The following CRYZ variants were observed in gnomAD, a reference collection of about 807,000 sequenced individuals.
CRYZ encodes zeta-crystallin.
CRYZ carries 35 observed loss-of-function variants against 34.1 expected under a neutral mutation model. The ratio of observed to expected loss-of-function variants is 1.03; its 90% CI spans 0.78 to 1.36. The LOEUF (loss-of-function observed/expected upper bound fraction) is 1.36. CRYZ is among the 40% of genes most tolerant of loss of function. CRYZ has a pLI of 0.00. For synonymous variants in CRYZ, 137 were observed against 136.5 expected (o/e 1.00, Z -0.03); for missense variants, 403 against 391.8 (o/e 1.03, Z -0.24).
At chr1:74,731,486 C>G (rs533043391) in intron 1 of CRYZ, among the ~76,000 whole-genome samples, 3 of 152,212 alleles carry the variant, frequency 2.0e-5, no homozygotes, top group African/African-American at 7.2e-5. Context: ...ATTATTAACC[C>G]AGAAATGTAA....
At position 74,707,017 on chromosome 1, in the gene CRYZ, T is replaced by C. The variant is rs369128161; in HGVS notation, c.733-23A>G. The C allele has an allele frequency of 3.2e-5, 52 of 1,603,956 alleles. No individual in the cohort carries two copies. The Middle Eastern group carries it at 1.3e-3, about 41-fold the overall frequency. On this transcript the variant is annotated intron_variant, in intron 7 of 8. Coordinates refer to ENST00000340866, the MANE Select transcript of CRYZ (RefSeq NM_001889.4). The stretch of plus-strand genomic sequence containing the variant: ...AACCTAACATGAAAAACAGCAATTC[T>C]ACAGTTAAAGATTACTGTAAAATAG...
rs1646929022 is a variant in CRYZ, at chr1:74,706,375, G to C, written c.911C>G (p.Pro304Arg). The change falls in exon 9 of 9, where the codon CCA (proline) becomes CGA (arginine). Residue 304 changes from proline (P) to arginine (R), a missense_variant. Coordinates refer to ENST00000340866, the MANE Select transcript of CRYZ (RefSeq NM_001889.4). ...ATGAGCCTCGGCCACCTTCTCCAAT[G>C]GATATTGAGAACCTATCACAGGTTT... is the stretch of plus-strand genomic sequence containing the variant. ...WLKPVIGSQY[P>R]LEKVAEAHEN... 8.7e-6 allele frequency: 14 copies of C among 1,612,114 alleles called. No homozygotes were observed. Among genetic ancestry groups the C allele is most frequent in the Non-Finnish European group, 1.2e-5 (14 of 1,178,678 alleles).
At chr1:74,721,771 T>G (rs1647167740) in intron 3 of CRYZ, among the ~76,000 whole-genome samples, 1 of 152,196 alleles carries the variant, frequency 6.6e-6, no homozygotes, top group South Asian at 2.1e-4. Flanking sequence ...AAGCTAGTTT[T>G]AGACATGTTT....
chr1:74,710,248 C>T lies in CRYZ; in HGVS notation c.481-1G>A, dbSNP rs766034520. The T allele has an allele frequency of 4.3e-6, 7 of 1,613,282 alleles. No homozygotes were observed. The highest frequency in any genetic ancestry group is 5.9e-6 in the Non-Finnish European group (7 of 1,179,692). On this transcript the variant is annotated splice_acceptor_variant, in intron 5 of 8. Coordinates refer to ENST00000340866, the MANE Select transcript of CRYZ (RefSeq NM_001889.4). LOFTEE classifies it high-confidence loss of function. ...CAATTTGGCATGCTGCTAATCCAAC[C>T]TGAAAAACAAATATAACCCAAGAGT...
chr1:74,714,625 C>G lies in CRYZ; in HGVS notation c.434G>C (p.Cys145Ser), dbSNP rs753213162. The G allele has an allele frequency of 6.2e-7, 1 of 1,613,554 alleles. No individual in the cohort carries two copies. The highest frequency in any genetic ancestry group is 1.3e-5 in the African/African-American group (1 of 74,896). Residue 145 changes from cysteine (C) to serine (S), a missense_variant, in exon 5 of 9, where the codon TGT becomes TCT. By Grantham distance (112) the Cys-to-Ser change is moderately radical. Coordinates refer to ENST00000340866, the MANE Select transcript of CRYZ (RefSeq NM_001889.4). Reference sequence around the variant, plus strand: ...CAGAACACTCTCTCCAGCTTTCACACAGGCACTGCAAAGGAAAGCATAAGT... The same window carrying G: ...CAGAACACTCTCTCCAGCTTTCACAGAGGCACTGCAAAGGAAAGCATAAGT... ...TAYRALIHSA[C>S]VKAGESVLVH...
At position 74,715,908 on chromosome 1, in the gene CRYZ, G is replaced by GTT. The variant is rs554351801; in HGVS notation, c.429-1280_429-1279dup. On this transcript the variant is annotated intron_variant, in intron 4 of 8. Transcript: ENST00000340866. ...AACATTACTCTGTTACAGAAACAGT[G>GTT]TTTTTTTTTTTTTTTCGAATGAGAT... 4.8e-3 allele frequency among the ~76,000 whole-genome samples: 645 copies of GTT among 135,050 alleles called. 8 individuals are homozygous for GTT. The highest frequency in any genetic ancestry group is 0.016 in the African/African-American group (596 of 36,744). 88.6% of individuals were successfully genotyped at this position (135,050 alleles called of 152,430 possible). A position where few individuals can be genotyped will look rare whatever the true frequency, so the allele number is the denominator to read the frequency against.
intron 4 of CRYZ, among the ~76,000 whole-genome samples, chr1:74,716,662 T>C (rs1230900218): frequency 6.6e-6 from 1 of 152,182 alleles, no homozygotes; most frequent in Non-Finnish European, 1.5e-5. Flanking sequence ...TTTATCCTAA[T>C]TCTGAAAACC....
rs564673752 is a variant in CRYZ at position 74,713,477 on chromosome 1, T to A, written c.480+1102A>T. Among the ~76,000 whole-genome samples, 63 of 152,304 alleles carry A rather than the reference T, an allele frequency of 4.1e-4. 1 individual carries two copies. The East Asian group carries it at 0.011, about 26-fold the overall frequency. ...TTTTGGACAAGGTATATCTGTCATA[T>A]TGTCTCAAGCCCCATAAAGACAATC... On this transcript the variant is annotated intron_variant, in intron 5 of 8. Coordinates refer to ENST00000340866, the MANE Select transcript of CRYZ (RefSeq NM_001889.4).
At chr1:74,729,462 C>G (rs368480625) in intron 1 of CRYZ, among the ~76,000 whole-genome samples, 1 of 133,814 alleles carries the variant, frequency 7.5e-6, no homozygotes, top group African/African-American at 2.8e-5. Context: ...GGCAACATGG[C>G]GAAATGCCAT....
chr1:74,730,352 C>T (rs866115955), intron 1 of CRYZ: 2 of 152,182 alleles, frequency 1.3e-5, no homozygotes, highest in Non-Finnish European at 2.9e-5. Context: ...TCATCAGGCT[C>T]CAACCTGCAC....
intron 3 of CRYZ, among the ~76,000 whole-genome samples, chr1:74,719,816 A>G (rs1647131966): frequency 2.6e-5 from 4 of 152,024 alleles, no homozygotes; most frequent in Admixed American, 2.6e-4. Context: ...AAAATACTTC[A>G]CATTTAAAAA....
At chr1:74,708,238 G>C (rs1646956254) in intron 6 of CRYZ, 1 of 152,154 alleles carries the variant, frequency 6.6e-6, no homozygotes, top group Non-Finnish European at 1.5e-5. Context: ...CTGTAAGTTG[G>C]GACAGATAGT....
chr1:74,709,628 A>G lies in CRYZ; in HGVS notation c.630+470T>C, dbSNP rs1267232157. On this transcript the variant is annotated intron_variant, in intron 6 of 8. Transcript: ENST00000340866. ...TAAATGCAGCAACTAAATAAATGCC[A>G]CCTCACCATTTTGGATGCAGTAGTG... Among the ~76,000 whole-genome samples, 5 of 152,204 alleles carry G rather than the reference A, an allele frequency of 3.3e-5. No individual in the cohort carries two copies. In the East Asian group the frequency reaches 9.6e-4, roughly 29 times the overall value.
At chr1:74,730,001 C>A (rs1647621736) in intron 1 of CRYZ, among the ~76,000 whole-genome samples, 1 of 152,108 alleles carries the variant, frequency 6.6e-6, no homozygotes, top group African/African-American at 2.4e-5. Context: ...CTATGAGATG[C>A]TTGCTTTTTC....
chr1:74,722,135 T>C (rs1181127708), intron 3 of CRYZ, among the ~76,000 whole-genome samples: 1 of 151,930 alleles, frequency 6.6e-6, no homozygotes, highest in African/African-American at 2.4e-5. Flanking sequence ...AAATAGAGAC[T>C]GAGAGCCCCA....
At chr1:74,730,178 A>C (rs898474818) in intron 1 of CRYZ, among the ~76,000 whole-genome samples, 1 of 152,206 alleles carries the variant, frequency 6.6e-6, no homozygotes, top group African/African-American at 2.4e-5. Context: ...GAATAAAGGA[A>C]GATGACTCAT....
chr1:74,711,815 C>T (rs781671327), intron 5 of CRYZ, among the ~76,000 whole-genome samples: 14 of 152,128 alleles, frequency 9.2e-5, no homozygotes, highest in Non-Finnish European at 1.6e-4. Context: ...CATCTACTTA[C>T]GGGCGAAGAT....
intron 5 of CRYZ, among the ~76,000 whole-genome samples, chr1:74,712,614 AAC>A (rs1281299300): frequency 1.3e-5 from 2 of 152,214 alleles, no homozygotes; most frequent in African/African-American, 4.8e-5. Flanking sequence ...AACTGAAACA[AAC>A]AAATACATGA....
In CRYZ at chr1:74,705,608, A is replaced by G. The variant is rs368902027; in HGVS notation, c.*688T>C. 3 of 152,170 alleles carry G rather than the reference A, an allele frequency of 2.0e-5. 1 individual carries two copies. The highest frequency in any genetic ancestry group is 4.1e-4 in the South Asian group (2 of 4,834). 9.4% of individuals were successfully genotyped at this position (152,170 alleles called of 1,614,324 possible). On this transcript the variant is annotated 3_prime_UTR_variant, in exon 9 of 9. Coordinates refer to ENST00000340866, the MANE Select transcript of CRYZ (RefSeq NM_001889.4). ...TATTTGACCCTCACCAGAAAAACAGATAACTCTAAATCTACTCTGAAAATC... is the reference window on the plus strand; with the variant it reads ...TATTTGACCCTCACCAGAAAAACAGGTAACTCTAAATCTACTCTGAAAATC...
Sources: gnomAD v4.1 joint callset for allele counts (sites outside exome capture counted in the v4.1 genomes callset) on GRCh38, gnomAD v4.1.1 for gene constraint, MANE v1.5 for transcripts, NCBI Gene and HGNC (gene_info 2026-07-23, HGNC 2026-07-21) for gene names.